The following ACTR3B variants were observed in gnomAD, a reference collection of about 807,000 sequenced individuals.
ACTR3B encodes the protein actin related protein 3B, also known as actin-related protein 3B.
A neutral mutation model predicts 59.0 loss-of-function variants in ACTR3B; 8 were observed. The observed-to-expected ratio is 0.14, with a 90% CI of 0.08 to 0.24. ACTR3B has a LOEUF of 0.24. Ranked by LOEUF, ACTR3B falls within the 10% of genes least tolerant of loss-of-function variation. The probability of loss-of-function intolerance (pLI) is 1.00; values close to 1 mark genes in which losing one functional copy is unlikely to be tolerated. For missense variants in ACTR3B, 245 were observed against 552.3 expected, an observed-to-expected ratio of 0.44 and a Z score of 5.58; for synonymous variants, 148 against 197.9, an observed-to-expected ratio of 0.75 and a Z score of 2.12.
intron 1 of ACTR3B, among the ~76,000 whole-genome samples, chr7:152,772,582 T>C (rs1249632732): frequency 6.6e-6 from 1 of 150,910 alleles, no homozygotes; most frequent in Non-Finnish European, 1.5e-5. Flanking sequence ...TGTGATTGGA[T>C]TGAAATGTCA....
intron 9 of ACTR3B, among the ~76,000 whole-genome samples, chr7:152,849,006 G>C (rs1798584774): frequency 1.3e-5 from 2 of 152,198 alleles, no homozygotes; most frequent in Admixed American, 1.3e-4. Flanking sequence ...AATGGGTCAA[G>C]AAGGCAGGTG....
At chr7:152,776,891 A>G (rs2098137406) in intron 1 of ACTR3B, among the ~76,000 whole-genome samples, 1 of 152,210 alleles carries the variant, frequency 6.6e-6, no homozygotes, top group Non-Finnish European at 1.5e-5. Flanking sequence ...CAGTAAGTAT[A>G]CATCTTCATT....
intron 9 of ACTR3B, 83 bp downstream of exon 9, chr7:152,825,205 T>G: frequency 7.5e-7 from 1 of 1,328,642 alleles, no homozygotes; most frequent in Non-Finnish European, 1.0e-6. Flanking sequence ...TTACTGTCTA[T>G]TACTAGTAAA....
In ACTR3B at chr7:152,823,895, T is replaced by C. The variant is rs1796379623; in HGVS notation, c.858+380T>C. ...GGATAATATGTAACCTTTCTATCTT[T>C]GGTGATTGCCCTTCCTAACTTCTAA... On this transcript the variant is annotated intron_variant, in intron 8 of 11. Transcript: ENST00000256001. Among the ~76,000 whole-genome samples the C allele has an allele frequency of 2.6e-5, 4 of 152,238 alleles. No individual in the cohort carries two copies. The South Asian group carries it at 8.3e-4, about 31-fold the overall frequency.
rs2098140339 is a variant in ACTR3B, at chr7:152,777,924, T to A, written c.45-5263T>A. ...GAGATTGTGCCACTGCACTCCAGCC[T>A]GGGTGACAGAGCAAGACTCCGTCTC... On this transcript the variant is annotated intron_variant, in intron 1 of 11. Coordinates refer to ENST00000256001, the MANE Select transcript of ACTR3B (RefSeq NM_020445.6). 3.3e-5 allele frequency among the ~76,000 whole-genome samples: 5 copies of A among 151,464 alleles called. No homozygotes were observed. The South Asian group carries it at 1.0e-3, about 32-fold the overall frequency.
chr7:152,782,958 T>C (rs536611563), intron 1 of ACTR3B, among the ~76,000 whole-genome samples: 1 of 152,196 alleles, frequency 6.6e-6, no homozygotes, highest in South Asian at 2.1e-4. Flanking sequence ...GTGTTTCTTT[T>C]TTTCTACTAG....
chr7:152,844,121 C>T (rs1354351906), intron 9 of ACTR3B, among the ~76,000 whole-genome samples: 1 of 152,010 alleles, frequency 6.6e-6, no homozygotes, highest in Non-Finnish European at 1.5e-5. Flanking sequence ...GTAATGGTGC[C>T]ATCTCGGCTC....
At chr7:152,795,375 A>T (rs2098212760) in intron 2 of ACTR3B, among the ~76,000 whole-genome samples, 1 of 152,210 alleles carries the variant, frequency 6.6e-6, no homozygotes, top group African/African-American at 2.4e-5. Flanking sequence ...CTGTGTTGTT[A>T]TTCTTCATTT....
chr7:152,827,694 C>T (rs1261958105), intron 9 of ACTR3B, among the ~76,000 whole-genome samples: 3 of 151,646 alleles, frequency 2.0e-5, no homozygotes, highest in South Asian at 2.1e-4. Context: ...CTCCCCGGGC[C>T]GTCACGTGGG....
intron 2 of ACTR3B, among the ~76,000 whole-genome samples, chr7:152,799,151 G>A (rs550183563): frequency 7.2e-5 from 11 of 152,250 alleles, no homozygotes; most frequent in East Asian, 3.9e-4. Flanking sequence ...CTACAGAGTC[G>A]TACTTTCATC....
At chr7:152,800,323 A>T (rs2116730316) in intron 2 of ACTR3B, among the ~76,000 whole-genome samples, 1 of 152,404 alleles carries the variant, frequency 6.6e-6, no homozygotes, top group East Asian at 1.9e-4. Flanking sequence ...CCTTTGTCCC[A>T]TTCTGAAAAT....
At chr7:152,798,175 T>G (rs1590288953) in intron 2 of ACTR3B, among the ~76,000 whole-genome samples, 1 of 152,298 alleles carries the variant, frequency 6.6e-6, no homozygotes, top group East Asian at 1.9e-4. Flanking sequence ...GGTTCTCTTT[T>G]TGTCACATCA....
chr7:152,801,812 G>A lies in ACTR3B; in HGVS notation c.336+81G>A, dbSNP rs960565439. On this transcript the variant is annotated intron_variant, in intron 4 of 11. Transcript: ENST00000256001. ...TTTAAACTGAAGATATTCTTTTCTA[G>A]GGCGTTTTAAATTTCTTCTAAAGAT... The A allele has an allele frequency of 2.3e-5, 12 of 527,122 alleles. No individual in the cohort carries two copies. The African/African-American group carries it at 2.3e-4, about 10-fold the overall frequency. The allele number at this position is 527,122 out of a possible 1,614,324, so 32.7% of individuals were successfully genotyped here.
At chr7:152,764,994 T>G (rs989824177) in intron 1 of ACTR3B, among the ~76,000 whole-genome samples, 3 of 152,230 alleles carry the variant, frequency 2.0e-5, no homozygotes, top group African/African-American at 7.2e-5. Context: ...AGCAGTTAGT[T>G]GGAGTGAGCA....
chr7:152,774,480 G>A (rs775620671), intron 1 of ACTR3B, among the ~76,000 whole-genome samples: 3 of 151,508 alleles, frequency 2.0e-5, no homozygotes, highest in Non-Finnish European at 4.4e-5. Flanking sequence ...TTAAAATTTT[G>A]TTTTGCTTTG....
chr7:152,771,322 G>T (rs969550278), intron 1 of ACTR3B, among the ~76,000 whole-genome samples: 15 of 152,164 alleles, frequency 9.9e-5, no homozygotes, highest in Admixed American at 6.5e-5. Flanking sequence ...TAAAACAAAA[G>T]AACAAAGAAG....
intron 3 of ACTR3B, among the ~76,000 whole-genome samples, chr7:152,801,203 C>T (rs2098235436): frequency 6.6e-6 from 1 of 152,276 alleles, no homozygotes; most frequent in Admixed American, 6.5e-5. Context: ...CCTCAACTTC[C>T]CAAGTAGGTG....
chr7:152,790,319 T>C (rs971821735), intron 2 of ACTR3B, among the ~76,000 whole-genome samples: 19 of 152,304 alleles, frequency 1.2e-4, no homozygotes, highest in African/African-American at 4.3e-4. Flanking sequence ...CTTTAATACA[T>C]TTTCGAATAT....
chr7:152,818,270 A>G (rs1405065630), intron 6 of ACTR3B, among the ~76,000 whole-genome samples: 1 of 152,224 alleles, frequency 6.6e-6, no homozygotes, highest in Non-Finnish European at 1.5e-5. Flanking sequence ...GTCCAGGCCC[A>G]CTAAGAAAGT....
Sources: allele counts gnomAD v4.1 joint callset (sites outside exome capture counted in the v4.1 genomes callset), GRCh38; gene constraint gnomAD v4.1.1; transcripts MANE v1.5; gene names NCBI Gene and HGNC (gene_info 2026-07-23, HGNC 2026-07-21).